Variants in TMCC2 observed in about 807,000 individuals in gnomAD.
The protein encoded by TMCC2 is transmembrane and coiled-coil domain family 2, also known as transmembrane and coiled-coil domains protein 2.
TMCC2 carries 16 observed loss-of-function variants against 49.4 expected under a neutral mutation model. The observed-to-expected ratio is 0.32, with a 90% CI of 0.22 to 0.49. TMCC2 has a LOEUF of 0.49. Ranked by LOEUF, TMCC2 falls within the 20% of genes least tolerant of loss-of-function variation. The probability of loss-of-function intolerance (pLI) is 0.99; values close to 1 mark genes in which losing one functional copy is unlikely to be tolerated. For synonymous variants in TMCC2, 397 were observed against 434.1 expected (o/e 0.91, Z 1.06); for missense variants, 762 against 989.8 (o/e 0.77, Z 3.09).
chr1:205,269,240 C>T lies in TMCC2; in HGVS notation c.1038C>T (p.Thr346=). 6.2e-7 allele frequency: 1 copy of T among 1,613,968 alleles called. No homozygotes were observed. Among genetic ancestry groups the T allele is most frequent in the Non-Finnish European group, 8.5e-7 (1 of 1,180,036 alleles). ...AGAAGAACCAGAAGTCAGCCCAGAC[C>T]ATCGCCCAGCTGCACAAGAAGCTGG... The part of the protein sequence containing the change: ...FEKKNQKSAQ[T]IAQLHKKLEH... The change falls in exon 3 of 5, where the codon ACC becomes ACT. Residue 346 remains threonine, a synonymous_variant. Transcript: ENST00000358024.
At chr1:205,230,198 G>A in intron 1 of TMCC2, 2 of 983,306 alleles carry the variant, frequency 2.0e-6, no homozygotes, top group Non-Finnish European at 2.4e-6. Context: ...ACCTGTGTAT[G>A]TTACCTGTCT....
chr1:205,257,353 CAG>C, intron 2 of TMCC2: 1 of 1,232,248 alleles, frequency 8.1e-7, no homozygotes. Flanking sequence ...CTTCGGGAAA[CAG>C]TGCCCACACA....
At chr1:205,253,109 T>C (rs1333348590) in intron 2 of TMCC2, among the ~76,000 whole-genome samples, 1 of 151,672 alleles carries the variant, frequency 6.6e-6, no homozygotes, top group African/African-American at 2.4e-5. Flanking sequence ...CACTCCACCT[T>C]AGGGGAAAGA....
chr1:205,260,717 A>T (rs1400701043), intron 2 of TMCC2, among the ~76,000 whole-genome samples: 2 of 148,218 alleles, frequency 1.3e-5, no homozygotes, highest in Non-Finnish European at 3.0e-5. Context: ...GCAGCCACTA[A>T]TCAGCTTTCT....
chr1:205,230,479 T>A (rs1659746035), intron 1 of TMCC2, among the ~76,000 whole-genome samples: 1 of 152,026 alleles, frequency 6.6e-6, no homozygotes, highest in Non-Finnish European at 1.5e-5. Flanking sequence ...GTAGTTCCTG[T>A]TTTAAGTGAG....
intron 2 of TMCC2, among the ~76,000 whole-genome samples, chr1:205,262,804 G>A (rs1661167822): frequency 6.6e-6 from 1 of 152,084 alleles, no homozygotes; most frequent in Non-Finnish European, 1.5e-5. Flanking sequence ...GGTGGAGTTG[G>A]GGACTGCAGG....
At chr1:205,230,276 C>A in intron 1 of TMCC2, 1 of 699,296 alleles carries the variant, frequency 1.4e-6, no homozygotes, top group Non-Finnish European at 1.8e-6. Flanking sequence ...TTAAACTTTG[C>A]AGTAATTATT....
rs140315838 is a variant in TMCC2 at position 205,270,318 on chromosome 1, C to A, written c.1682+434C>A. 1.9e-4 allele frequency among the ~76,000 whole-genome samples: 29 copies of A among 152,272 alleles called. No homozygotes were observed. In the East Asian group the frequency reaches 5.6e-3, roughly 29 times the overall value. ...GACATTAATTCCTTCTTCATAGGGT[C>A]ATAAAGATACAATGAGTCCAGACCT... On this transcript the variant is annotated intron_variant, in intron 3 of 4. Coordinates refer to ENST00000358024, the MANE Select transcript of TMCC2 (RefSeq NM_014858.4).
intron 1 of TMCC2, chr1:205,229,559 T>TGGGGGGG (rs1659706107): frequency 1.1e-5 from 2 of 189,972 alleles, no homozygotes; most frequent in South Asian, 2.6e-4. Context: ...GGGGGGGGGG[T>TGGGGGGG]GGTGGCGGGG....
chr1:205,269,612 C>T lies in TMCC2; in HGVS notation c.1410C>T (p.Ser470=), dbSNP rs1027881142. The change falls in exon 3 of 5, where the codon AGC becomes AGT. Residue 470 remains serine, a synonymous_variant. Transcript: ENST00000358024. ...ALSGSATLVS[S]PKYGSDDECS... ...GCGGCAGTGCCACACTCGTCTCCAGCCCCAAGTATGGCAGCGATGATGAGT... is the reference window on the plus strand; with the variant it reads ...GCGGCAGTGCCACACTCGTCTCCAGTCCCAAGTATGGCAGCGATGATGAGT... 1.2e-6 allele frequency: 2 copies of T among 1,613,714 alleles called. No individual in the cohort carries two copies. The highest frequency in any genetic ancestry group is 1.7e-5 in the Admixed American group (1 of 60,008).
At chr1:205,231,445 C>T (rs773902177) in intron 1 of TMCC2, among the ~76,000 whole-genome samples, 6 of 152,104 alleles carry the variant, frequency 3.9e-5, no homozygotes, top group South Asian at 4.1e-4. Flanking sequence ...TACAGGCACA[C>T]GCCACCATGC....
rs1205989100 is a variant in TMCC2, at chr1:205,269,359, A to G, written c.1157A>G (p.Asp386Gly). ...VLRDMQQGLK[D>G]VGANVRAGIS... ...CGGGACATGCAGCAGGGGCTGAAGG[A>G]CGTGGGCGCCAACGTGCGCGCAGGC... is the stretch of plus-strand genomic sequence containing the variant. The change falls in exon 3 of 5, where the codon GAC becomes GGC. Residue 386 changes from aspartate to glycine, a missense_variant. Around this residue, in one of 2 missense-constraint regions of TMCC2, gnomAD observed 440 missense variants for 636.7 expected, o/e 0.69. Transcript: ENST00000358024. 1 of 1,612,292 alleles carries G rather than the reference A, an allele frequency of 6.2e-7. No individual in the cohort carries two copies. Among genetic ancestry groups the G allele is most frequent in the East Asian group, 2.2e-5 (1 of 44,842 alleles).
chr1:205,269,002 C>G lies in TMCC2; in HGVS notation c.800C>G (p.Thr267Ser), dbSNP rs370713286. The change falls in exon 3 of 5, where the codon ACC (threonine) becomes AGC (serine). Residue 267 changes from threonine to serine, a missense_variant. Physicochemically the swap from Thr to Ser is moderately conservative, Grantham distance 58. Coordinates refer to ENST00000358024, the MANE Select transcript of TMCC2 (RefSeq NM_014858.4). The stretch of plus-strand genomic sequence containing the variant: ...AGCCTCCCCGCCGGCCATGGTGACA[C>G]CGACGGCCCCATCAGCCTGGACGTG... ...ALSLPAGHGDTDGPISLDVPD... is the reference protein window; with the variant it reads ...ALSLPAGHGDSDGPISLDVPD... The G allele has an allele frequency of 3.2e-5, 51 of 1,613,182 alleles. No individual in the cohort carries two copies. Among genetic ancestry groups the G allele is most frequent in the Non-Finnish European group, 4.2e-5 (49 of 1,179,994 alleles).
chr1:205,265,885 T>C lies in TMCC2; in HGVS notation c.748-3065T>C, dbSNP rs529367486. 3.9e-3 allele frequency among the ~76,000 whole-genome samples: 586 copies of C among 151,546 alleles called. 1 individual carries two copies. The highest frequency in any genetic ancestry group is 5.9e-3 in the Non-Finnish European group (401 of 67,862). On this transcript the variant is annotated intron_variant, in intron 2 of 4. Coordinates refer to ENST00000358024, the MANE Select transcript of TMCC2 (RefSeq NM_014858.4). ...CAGAACCCATTTTCTAGATATTCTTTCTCCCAAGAAGACAGTGAAAGAGAG... is the reference window on the plus strand; with the variant it reads ...CAGAACCCATTTTCTAGATATTCTTCCTCCCAAGAAGACAGTGAAAGAGAG...
chr1:205,261,900 A>G (rs1193658944), intron 2 of TMCC2, among the ~76,000 whole-genome samples: 2 of 152,140 alleles, frequency 1.3e-5, no homozygotes, highest in Non-Finnish European at 2.9e-5. Context: ...ATCCTGTCTC[A>G]TGGCTGTTCT....
At chr1:205,238,250 T>A (rs570876962) in intron 1 of TMCC2, among the ~76,000 whole-genome samples, 18 of 151,986 alleles carry the variant, frequency 1.2e-4, no homozygotes, top group East Asian at 1.2e-3. Context: ...TTTTTTTTTT[T>A]AAAACACTTA....
At chr1:205,268,492 T>C (rs1172057413) in intron 2 of TMCC2, among the ~76,000 whole-genome samples, 4 of 152,134 alleles carry the variant, frequency 2.6e-5, no homozygotes, top group Non-Finnish European at 5.9e-5. Flanking sequence ...TGGGTGCCTG[T>C]AATACTGGCT....
intron 1 of TMCC2, among the ~76,000 whole-genome samples, chr1:205,237,130 G>T (rs954079869): frequency 3.3e-5 from 5 of 151,946 alleles, no homozygotes; most frequent in African/African-American, 1.2e-4. Flanking sequence ...CTCCAAGTGG[G>T]CCTGAACAGT....
At chr1:205,271,006 G>T (rs1661565899) in intron 3 of TMCC2, 114 bp from the exon 4 acceptor site, 2 of 1,430,680 alleles carry the variant, frequency 1.4e-6, no homozygotes, top group African/African-American at 1.4e-5. Flanking sequence ...GAGCAGAGCT[G>T]GACACGGGGG....
Sources: gnomAD v4.1 joint callset for allele counts (sites outside exome capture counted in the v4.1 genomes callset) on GRCh38, gnomAD v4.1.1 for gene constraint, gnomAD v4.1.1 regional missense constraint, MANE v1.5 for transcripts, NCBI Gene and HGNC (gene_info 2026-07-23, HGNC 2026-07-21) for gene names.